Variants in ALDH5A1 observed in about 807,000 individuals in gnomAD.
ALDH5A1 encodes the protein aldehyde dehydrogenase 5 family member A1.
Under a neutral mutation model 54.7 loss-of-function variants are expected in ALDH5A1, and 33 were observed. The observed-to-expected ratio is 0.60, with a 90% CI of 0.46 to 0.81. The LOEUF (loss-of-function observed/expected upper bound fraction) is 0.81. Ranked by LOEUF, ALDH5A1 falls within the 30% of genes least tolerant of loss-of-function variation. The pLI is 0.00. For missense variants in ALDH5A1, 657 were observed against 711.0 expected (o/e 0.92, Z 0.86); for synonymous variants, 294 against 292.7 (o/e 1.00, Z -0.05).
At chr6:24,533,333 A>G (rs527397318) in intron 9 of ALDH5A1, among the ~76,000 whole-genome samples, 174 bp from the exon 10 acceptor site, 1 of 152,266 alleles carries the variant, frequency 6.6e-6, no homozygotes, top group Admixed American at 6.5e-5. Context: ...GGTGACTTTC[A>G]AAGGTTTTGA....
chr6:24,503,290 GAAAT>G lies in ALDH5A1; in HGVS notation c.467_470del (p.Glu156ValfsTer8). The G allele has an allele frequency of 6.2e-7, 1 of 1,614,074 alleles. No individual in the cohort carries two copies. The highest frequency in any genetic ancestry group is 1.1e-5 in the South Asian group (1 of 91,078). On this transcript the variant is annotated frameshift_variant, in exon 3 of 10. Transcript: ENST00000357578. LOFTEE classifies it high-confidence loss of function. ...AAAGCCACTGAAGGAGGCACATGGA[GAAAT>G]TCTCTATTCCGCCTTTTTCCTAGAG...
intron 3 of ALDH5A1, among the ~76,000 whole-genome samples, chr6:24,504,323 G>A (rs913918799): frequency 3.3e-5 from 5 of 152,178 alleles, no homozygotes; most frequent in African/African-American, 1.2e-4. Flanking sequence ...ATAAAATACT[G>A]TTATTATAGG....
chr6:24,535,228 A>G lies in ALDH5A1; in HGVS notation c.*1516A>G, dbSNP rs1760023063. The G allele has an allele frequency of 6.6e-6, 1 of 152,176 alleles. No homozygotes were observed. Among genetic ancestry groups the G allele is most frequent in the Non-Finnish European group, 1.5e-5 (1 of 68,056 alleles). The allele number at this position is 152,176 out of a possible 1,614,324, so 9.4% of individuals were successfully genotyped here. On this transcript the variant is annotated 3_prime_UTR_variant, in exon 10 of 10. Transcript: ENST00000357578. Reference sequence around the variant, plus strand: ...CCCCACCTAGGATTTAACATCCCTCATTGAGCCACTGGGAAGCTATGGTTG... The same window carrying G: ...CCCCACCTAGGATTTAACATCCCTCGTTGAGCCACTGGGAAGCTATGGTTG...
At chr6:24,517,466 A>G (rs1054554751) in intron 5 of ALDH5A1, among the ~76,000 whole-genome samples, 3 of 152,242 alleles carry the variant, frequency 2.0e-5, no homozygotes, top group African/African-American at 7.2e-5. Flanking sequence ...GGGTCTTACA[A>G]TGCAAACTTA....
intron 3 of ALDH5A1, among the ~76,000 whole-genome samples, 193 bp downstream of exon 3, chr6:24,503,626 AG>A (rs1352393265): frequency 1.1e-4 from 17 of 152,154 alleles, no homozygotes; most frequent in African/African-American, 3.9e-4. Flanking sequence ...GGTGGCAGTG[AG>A]TGGAATGATG....
intron 9 of ALDH5A1, among the ~76,000 whole-genome samples, chr6:24,532,843 ATCG>A (rs1245077969): frequency 6.6e-6 from 1 of 152,174 alleles, no homozygotes; most frequent in Non-Finnish European, 1.5e-5. Flanking sequence ...CCTTAGAGTT[ATCG>A]TAAAGCTGGA....
At chr6:24,516,473 AAAAT>A (rs978571799) in intron 5 of ALDH5A1, among the ~76,000 whole-genome samples, 2 of 150,866 alleles carry the variant, frequency 1.3e-5, no homozygotes, top group African/African-American at 2.4e-5. Flanking sequence ...AAAATTAAAA[AAAAT>A]AAATAATAAA....
chr6:24,511,771 G>A (rs752279056), intron 4 of ALDH5A1: 28 of 396,476 alleles, frequency 7.1e-5, no homozygotes, highest in Admixed American at 2.8e-4. Flanking sequence ...ATTGGGCTTC[G>A]CCTTTCTTTG....
chr6:24,495,799 A>G (rs1561866476), intron 1 of ALDH5A1, among the ~76,000 whole-genome samples: 1 of 152,192 alleles, frequency 6.6e-6, no homozygotes, highest in Non-Finnish European at 1.5e-5. Flanking sequence ...GAAGGCTGGT[A>G]GTGAGGGCCC....
rs41271787 is a variant in ALDH5A1 at position 24,535,589 on chromosome 6, A to G, written c.*1877A>G. 1,009 of 152,392 alleles carry G rather than the reference A, an allele frequency of 6.6e-3. 6 individuals are homozygous for G. The highest frequency in any genetic ancestry group is 0.012 in the Non-Finnish European group (796 of 68,060). 9.4% of individuals were successfully genotyped at this position (152,392 alleles called of 1,614,324 possible). A position where few individuals can be genotyped will look rare whatever the true frequency, so the allele number is the denominator to read the frequency against. On this transcript the variant is annotated 3_prime_UTR_variant, in exon 10 of 10. Coordinates refer to ENST00000357578, the MANE Select transcript of ALDH5A1 (RefSeq NM_001080.3). ...AACACCTTGGGAGGCCAAGGCAGGCAGATCACGACATCAGGAGATCGAGAC... is the reference window on the plus strand; with the variant it reads ...AACACCTTGGGAGGCCAAGGCAGGCGGATCACGACATCAGGAGATCGAGAC...
At chr6:24,520,968 A>G (rs1759673066) in intron 6 of ALDH5A1, among the ~76,000 whole-genome samples, 1 of 152,082 alleles carries the variant, frequency 6.6e-6, no homozygotes, top group Admixed American at 6.6e-5. Flanking sequence ...TACTGAACGG[A>G]TATAATCTCC....
In ALDH5A1 at chr6:24,522,833, G is replaced by A. The variant is rs1759722342; in HGVS notation, c.1081G>A (p.Ala361Thr). The A allele has an allele frequency of 2.5e-6, 4 of 1,613,932 alleles. No individual in the cohort carries two copies. The highest frequency in any genetic ancestry group is 1.3e-5 in the African/African-American group (1 of 74,890). ...GIHDAFVKAFAEAMKKNLRVG... is the reference protein window; with the variant it reads ...GIHDAFVKAFTEAMKKNLRVG... ...CCATGATGCCTTTGTAAAAGCATTC[G>A]CCGAGGCCATGAAGAAGAACCTGCG... Residue 361 changes from alanine (A) to threonine (T), a missense_variant, in exon 7 of 10, where the codon GCC becomes ACC. Transcript: ENST00000357578.
chr6:24,512,163 C>G (rs1171468610), intron 4 of ALDH5A1, among the ~76,000 whole-genome samples: 2 of 152,234 alleles, frequency 1.3e-5, no homozygotes, highest in African/African-American at 4.8e-5. Context: ...GTTGTCCGCA[C>G]AGAGTCCTGT....
chr6:24,523,016 G>T, intron 7 of ALDH5A1, 91 bp downstream of exon 7: 1 of 958,288 alleles, frequency 1.0e-6, no homozygotes, highest in South Asian at 1.4e-5. Context: ...GGAGGGGTGG[G>T]GATAGAGAGG....
At chr6:24,496,685 A>G (rs894793142) in intron 1 of ALDH5A1, among the ~76,000 whole-genome samples, 3 of 152,180 alleles carry the variant, frequency 2.0e-5, no homozygotes, top group African/African-American at 4.8e-5. Flanking sequence ...GATGTAAAGT[A>G]AGCAGTTGGT....
intron 4 of ALDH5A1, among the ~76,000 whole-genome samples, chr6:24,511,219 T>G (rs973917390): frequency 6.6e-6 from 1 of 152,216 alleles, no homozygotes; most frequent in Non-Finnish European, 1.5e-5. Context: ...CCTTTATAGG[T>G]TACCTGGTGC....
intron 5 of ALDH5A1, among the ~76,000 whole-genome samples, chr6:24,516,304 C>T (rs1476777430): frequency 4.0e-5 from 6 of 151,416 alleles, no homozygotes; most frequent in East Asian, 2.0e-4. Flanking sequence ...GGCGTGGTGG[C>T]GGGCGCCTGT....
Position 24,495,023 on chromosome 6 carries a change from C to T in ALDH5A1, c.27C>T (p.Ser9=), listed in dbSNP as rs968707357. 2 of 1,341,430 alleles carry T rather than the reference C, an allele frequency of 1.5e-6. No individual in the cohort carries two copies. The highest frequency in any genetic ancestry group is 2.3e-5 in the South Asian group (1 of 42,718). The allele number at this position is 1,341,430 out of a possible 1,614,324, so 83.1% of individuals were successfully genotyped here. A position where few individuals can be genotyped will look rare whatever the true frequency, so the allele number is the denominator to read the frequency against. Residue 9 remains serine (S), a synonymous_variant, in exon 1 of 10, where the codon AGC becomes AGT. Coordinates refer to ENST00000357578, the MANE Select transcript of ALDH5A1 (RefSeq NM_001080.3). MATCIWLR[S]CGARRLGSTF... Reference sequence around the variant, plus strand: ...TGGCGACCTGCATTTGGCTGCGGAGCTGTGGGGCCCGGCGCCTCGGGTCGA... The same window carrying T: ...TGGCGACCTGCATTTGGCTGCGGAGTTGTGGGGCCCGGCGCCTCGGGTCGA...
chr6:24,503,521 T>G, intron 3 of ALDH5A1, 88 bp downstream of exon 3: 1 of 1,499,272 alleles, frequency 6.7e-7, no homozygotes, highest in East Asian at 2.3e-5. Flanking sequence ...GCAGGTGTGC[T>G]CATCCTGTTA....
Sources: gnomAD v4.1 joint callset for allele counts (sites outside exome capture counted in the v4.1 genomes callset) on GRCh38, gnomAD v4.1.1 for gene constraint, MANE v1.5 for transcripts, NCBI Gene and HGNC (gene_info 2026-07-23, HGNC 2026-07-21) for gene names.